Variants in PIGU observed in about 807,000 individuals in gnomAD.
PIGU encodes phosphatidylinositol glycan anchor biosynthesis class U, also known as GPI-anchor transamidase component PIGU.
A neutral mutation model predicts 49.9 loss-of-function variants in PIGU; 24 were observed. The ratio of observed to expected loss-of-function variants is 0.48; its 90% CI spans 0.35 to 0.68. The LOEUF (loss-of-function observed/expected upper bound fraction) is 0.68, where lower values mean the gene tolerates loss of function less well. Among genes scored for constraint, PIGU ranks in the 30% least tolerant of loss-of-function variants. PIGU has a pLI of 0.01. For synonymous variants in PIGU, 220 were observed against 205.7 expected (o/e 1.07, Z -0.59); for missense variants, 490 against 532.6 (o/e 0.92, Z 0.79).
At position 34,622,054 on chromosome 20, in the gene PIGU, G is replaced by A. The variant is rs1172369749; in HGVS notation, c.530-5915C>T. On this transcript the variant is annotated intron_variant, in intron 6 of 11. Transcript: ENST00000217446. ...AATTAGCTCAATATAGCCAAAACAG[G>A]GCAAGAGCTGGGAGGAGTGACAGGA... Among the ~76,000 whole-genome samples the A allele has an allele frequency of 3.9e-5, 6 of 152,062 alleles. No individual in the cohort carries two copies. In the East Asian group the frequency reaches 9.6e-4, roughly 24 times the overall value.
chr20:34,655,409 C>G (rs964255463), intron 2 of PIGU, among the ~76,000 whole-genome samples: 1 of 119,200 alleles, frequency 8.4e-6, no homozygotes, highest in East Asian at 2.6e-4. Flanking sequence ...CGGTGGCTCA[C>G]GCCTGTAATC....
chr20:34,641,226 T>G (rs1986149698), intron 4 of PIGU, among the ~76,000 whole-genome samples: 1 of 152,186 alleles, frequency 6.6e-6, no homozygotes, highest in Non-Finnish European at 1.5e-5. Context: ...TATAAAGGGC[T>G]TTTTCTAATC....
At position 34,645,347 on chromosome 20, in the gene PIGU, AAC is replaced by A. The variant is rs141474203; in HGVS notation, c.196-15_196-14del. On this transcript the variant is annotated splice_polypyrimidine_tract_variant and intron_variant, in intron 2 of 11. Transcript: ENST00000217446. The stretch of plus-strand genomic sequence containing the variant: ...TTATTAATGGAGTCTGCAGAAAAAA[AAC>A]AGACATGTAAAAAAAATTAAGTTAA... 4.8e-4 allele frequency: 752 copies of A among 1,556,940 alleles called. 2 individuals are homozygous for A. The African/African-American group carries it at 9.7e-3, about 20-fold the overall frequency.
At chr20:34,663,135 G>A (rs768680436) in intron 1 of PIGU, among the ~76,000 whole-genome samples, 5 of 152,052 alleles carry the variant, frequency 3.3e-5, no homozygotes, top group Non-Finnish European at 5.9e-5. Context: ...GAACTCCTGG[G>A]CTCAAGCCAT....
chr20:34,601,504 A>G (rs577044142), intron 7 of PIGU, among the ~76,000 whole-genome samples: 20 of 152,316 alleles, frequency 1.3e-4, no homozygotes, highest in African/African-American at 4.8e-4. Context: ...TCGAGGTTGT[A>G]AAAGTTGATT....
At chr20:34,660,590 G>C (rs1568664040) in intron 1 of PIGU, among the ~76,000 whole-genome samples, 2 of 152,054 alleles carry the variant, frequency 1.3e-5, no homozygotes, top group African/African-American at 2.4e-5. Context: ...TTCTCAAAAA[G>C]CAAACAAACA....
intron 4 of PIGU, among the ~76,000 whole-genome samples, chr20:34,639,041 G>T (rs1178790184): frequency 6.6e-6 from 1 of 152,150 alleles, no homozygotes; most frequent in African/African-American, 2.4e-5. Context: ...GATGTAAAAA[G>T]CAGATCACAC....
At chr20:34,562,250 G>C (rs1982552125) in intron 11 of PIGU, among the ~76,000 whole-genome samples, 2 of 152,234 alleles carry the variant, frequency 1.3e-5, no homozygotes, top group Non-Finnish European at 2.9e-5. Flanking sequence ...TGAGGGGACA[G>C]GGGCTCACAC....
rs763023119 is a variant in PIGU, at chr20:34,581,596, C to T, written c.1003G>A (p.Val335Met). The T allele has an allele frequency of 9.9e-6, 16 of 1,613,984 alleles. No individual in the cohort carries two copies. The highest frequency in any genetic ancestry group is 6.7e-5 in the Admixed American group (4 of 60,002). Residue 335 changes from valine to methionine, a missense_variant, in exon 10 of 12, where the codon GTG becomes ATG. By Grantham distance (21) the Val-to-Met change is conservative. Transcript: ENST00000217446. The stretch of plus-strand genomic sequence containing the variant: ...GGGAAGAAGGCCATGTAGAGCGCCA[C>T]GTCCCCCACTGTCGGGTAGGACTTA... ...IFKSYPTVGD[V>M]ALYMAFFPVW... is the part of the protein sequence containing the mutation.
Position 34,581,688 on chromosome 20 carries a change from G to A in PIGU, c.927-16C>T, listed in dbSNP as rs1183581455. ...GGGGTGCTCCCTGGGGCAGGGCAGG[G>A]GAAAGAGAGAGAGAGATGAGTCAGG... is the stretch of plus-strand genomic sequence containing the variant. On this transcript the variant is annotated splice_polypyrimidine_tract_variant and intron_variant, in intron 9 of 11. Transcript: ENST00000217446. 1 of 1,589,738 alleles carries A rather than the reference G, an allele frequency of 6.3e-7. No individual in the cohort carries two copies. The highest frequency in any genetic ancestry group is 8.5e-7 in the Non-Finnish European group (1 of 1,170,768).
chr20:34,595,352 C>T (rs867822526), intron 7 of PIGU, among the ~76,000 whole-genome samples: 1 of 152,138 alleles, frequency 6.6e-6, no homozygotes, highest in African/African-American at 2.4e-5. Context: ...GAACTATTTA[C>T]ATTGTATGAA....
intron 8 of PIGU, among the ~76,000 whole-genome samples, chr20:34,586,407 C>T (rs368545964): frequency 1.3e-5 from 2 of 152,098 alleles, no homozygotes; most frequent in Admixed American, 1.3e-4. Flanking sequence ...GAACACAATC[C>T]GTGGCCCAGG....
At chr20:34,634,485 C>T (rs1985894009) in intron 6 of PIGU, 130 bp downstream of exon 6, 2 of 1,324,950 alleles carry the variant, frequency 1.5e-6, no homozygotes, top group Admixed American at 3.3e-5. Context: ...TCTTGTATTA[C>T]TTGTGTAATT....
intron 6 of PIGU, among the ~76,000 whole-genome samples, chr20:34,625,050 T>A (rs1206819834): frequency 2.0e-5 from 3 of 152,058 alleles, no homozygotes; most frequent in Non-Finnish European, 2.9e-5. Flanking sequence ...CGTTTTTAAT[T>A]ATGTACTCAC....
At chr20:34,622,930 T>C (rs1568644473) in intron 6 of PIGU, among the ~76,000 whole-genome samples, 2 of 152,182 alleles carry the variant, frequency 1.3e-5, no homozygotes, top group Non-Finnish European at 2.9e-5. Flanking sequence ...GAATATGTTA[T>C]GTTTTCTAAC....
At chr20:34,584,504 CTTTTTTT>C (rs5841174) in intron 9 of PIGU, among the ~76,000 whole-genome samples, 3 of 66,406 alleles carry the variant, frequency 4.5e-5, no homozygotes, top group African/African-American at 1.2e-4. Context: ...AACTCCTGTT[CTTTTTTT>C]TTTTTTTTTT....
intron 7 of PIGU, among the ~76,000 whole-genome samples, chr20:34,602,040 G>A (rs535848205): frequency 1.3e-5 from 2 of 152,316 alleles, no homozygotes; most frequent in East Asian, 3.9e-4. Context: ...CCAAAACTTT[G>A]GAAGGCCAAG....
intron 1 of PIGU, among the ~76,000 whole-genome samples, chr20:34,673,002 C>T (rs1354966859): frequency 6.6e-6 from 1 of 152,034 alleles, no homozygotes; most frequent in Non-Finnish European, 1.5e-5. Context: ...CGCCTGTCAT[C>T]CCAGCACTTT....
At chr20:34,565,346 G>C (rs1001425) in intron 11 of PIGU, among the ~76,000 whole-genome samples, 60,672 of 151,668 alleles carry the variant, frequency 0.4, 12,501 homozygotes, top group Admixed American at 0.56. Context: ...CAACCTCCGC[G>C]GTTCAAGTGA....
Sources: gnomAD v4.1 joint callset for allele counts (sites outside exome capture counted in the v4.1 genomes callset) on GRCh38, gnomAD v4.1.1 for gene constraint, MANE v1.5 for transcripts, NCBI Gene and HGNC (gene_info 2026-07-23, HGNC 2026-07-21) for gene names.